Variants in ANO3 observed in about 807,000 individuals in gnomAD.
ANO3 encodes anoctamin 3.
In ANO3, 99 loss-of-function variants were observed where a neutral mutation model predicts 144.8. The ratio of observed to expected loss-of-function variants is 0.68; its 90% CI spans 0.58 to 0.81. The LOEUF is 0.81. ANO3 is among the 30% of genes least tolerant of loss of function. The probability of loss-of-function intolerance (pLI) is 0.00; values close to 1 mark genes in which losing one functional copy is unlikely to be tolerated. For synonymous variants in ANO3, 414 were observed against 392.6 expected (o/e 1.05, Z -0.64); for missense variants, 905 against 1,202.2 (o/e 0.75, Z 3.66).
chr11:26,411,707 G>A (rs1398788895), intron 1 of ANO3, among the ~76,000 whole-genome samples: 2 of 144,728 alleles, frequency 1.4e-5, no homozygotes, highest in East Asian at 2.1e-4. Flanking sequence ...AATATTAGAT[G>A]AGTGTATGCA....
chr11:26,497,071 T>C (rs981273579), intron 4 of ANO3, among the ~76,000 whole-genome samples: 2 of 150,422 alleles, frequency 1.3e-5, no homozygotes, highest in South Asian at 2.1e-4. Flanking sequence ...TCTATATATA[T>C]ACACAGACAC....
chr11:26,598,131 A>C (rs894123809), intron 14 of ANO3, among the ~76,000 whole-genome samples: 1 of 152,246 alleles, frequency 6.6e-6, no homozygotes, highest in Non-Finnish European at 1.5e-5. Context: ...GCTGACAAAA[A>C]GTCCCTGCTT....
At chr11:26,586,623 C>G (rs1362460725) in intron 14 of ANO3, among the ~76,000 whole-genome samples, 2 of 151,194 alleles carry the variant, frequency 1.3e-5, no homozygotes, top group African/African-American at 4.9e-5. Flanking sequence ...CTGCCTCAGC[C>G]TCCCGAGTAG....
intron 1 of ANO3, among the ~76,000 whole-genome samples, chr11:26,201,763 T>G (rs1851697417): frequency 7.8e-6 from 1 of 127,742 alleles, no homozygotes; most frequent in South Asian, 2.3e-4. Context: ...GGAAGTTTTG[T>G]TTTTTTTTTT....
chr11:26,396,071 A>G (rs1306910083), intron 1 of ANO3, among the ~76,000 whole-genome samples: 1 of 152,152 alleles, frequency 6.6e-6, no homozygotes, highest in African/African-American at 2.4e-5. Flanking sequence ...ATCCAGAACT[A>G]CAAAGAACTT....
intron 4 of ANO3, among the ~76,000 whole-genome samples, chr11:26,465,556 T>C (rs1006427151): frequency 6.6e-6 from 1 of 151,802 alleles, no homozygotes; most frequent in Non-Finnish European, 1.5e-5. Context: ...ACATAGTGAG[T>C]AATAACAAGT....
rs10631901 is a variant in ANO3 at position 26,634,080 on chromosome 11, CAAA to C, written c.1874-108_1874-106del. The C allele has an allele frequency of 1.9e-3, 687 of 357,288 alleles. 1 individual carries two copies. Among genetic ancestry groups the C allele is most frequent in the South Asian group, 3.4e-3 (67 of 19,882 alleles). The allele number at this position is 357,288 out of a possible 1,614,324, so 22.1% of individuals were successfully genotyped here. A position where few individuals can be genotyped will look rare whatever the true frequency, so the allele number is the denominator to read the frequency against. On this transcript the variant is annotated intron_variant, in intron 18 of 26. Transcript: ENST00000256737. ...GCAACAGAGAGTGAGACTCCATTTCCAAAAAAAAAAAAAAAAAATTAAATTAAA... is the reference window on the plus strand; with the variant it reads ...GCAACAGAGAGTGAGACTCCATTTCCAAAAAAAAAAAAAAATTAAATTAAA...
At position 26,479,512 on chromosome 11, in the gene ANO3, C is replaced by T. The variant is rs146996251; in HGVS notation, c.432+16364C>T. ...AGCAAAGTCACATCTTGCGTGGGGG[C>T]AGGCAGAGAGTTTGGGCAGGGGAAC... On this transcript the variant is annotated intron_variant, in intron 4 of 26. Coordinates refer to ENST00000256737, the MANE Select transcript of ANO3 (RefSeq NM_031418.4). 8.8e-4 allele frequency among the ~76,000 whole-genome samples: 134 copies of T among 152,166 alleles called. 1 individual carries two copies. The East Asian group carries it at 0.021, about 24-fold the overall frequency.
intron 1 of ANO3, among the ~76,000 whole-genome samples, chr11:26,342,813 T>C (rs866132397): frequency 1.3e-5 from 2 of 152,122 alleles, no homozygotes; most frequent in Non-Finnish European, 1.5e-5. Context: ...TTTCACACTT[T>C]TATCACTTTA....
At chr11:26,278,787 T>C (rs1215991900) in intron 1 of ANO3, among the ~76,000 whole-genome samples, 1 of 152,128 alleles carries the variant, frequency 6.6e-6, no homozygotes, top group African/African-American at 2.4e-5. Flanking sequence ...CTGCACATCT[T>C]AAGCACATTA....
chr11:26,493,368 G>T (rs2134110160), intron 4 of ANO3, among the ~76,000 whole-genome samples: 1 of 152,218 alleles, frequency 6.6e-6, no homozygotes, highest in South Asian at 2.1e-4. Context: ...GGGCATGCTG[G>T]AAAGGACTGC....
At chr11:26,565,170 T>G (rs551978683) in intron 14 of ANO3, 4 of 1,499,994 alleles carry the variant, frequency 2.7e-6, no homozygotes, top group South Asian at 1.4e-5. Flanking sequence ...TTTACCTTTT[T>G]GGGGATCTGA....
chr11:26,225,341 ATT>A (rs1173219812), intron 1 of ANO3, among the ~76,000 whole-genome samples: 1 of 152,138 alleles, frequency 6.6e-6, no homozygotes, highest in Non-Finnish European at 1.5e-5. Context: ...GGGAACATTT[ATT>A]TAGAGTGAGA....
intron 23 of ANO3, among the ~76,000 whole-genome samples, chr11:26,646,656 G>A (rs1436315523): frequency 1.3e-5 from 2 of 151,866 alleles, no homozygotes; most frequent in African/African-American, 2.4e-5. Flanking sequence ...CTTTTTATCA[G>A]TTACTTTAAT....
chr11:26,194,813 G>A (rs151177247), intron 1 of ANO3, among the ~76,000 whole-genome samples: 14 of 152,034 alleles, frequency 9.2e-5, no homozygotes, highest in African/African-American at 3.4e-4. Context: ...TGATCCACTA[G>A]CCTTGGCCTT....
intron 3 of ANO3, among the ~76,000 whole-genome samples, chr11:26,455,126 G>A (rs1011948570): frequency 2.0e-5 from 3 of 151,842 alleles, no homozygotes; most frequent in African/African-American, 7.3e-5. Context: ...CATACTGAAT[G>A]GGCAAAAACT....
intron 1 of ANO3, among the ~76,000 whole-genome samples, chr11:26,386,778 T>C (rs957352001): frequency 6.6e-6 from 1 of 152,166 alleles, no homozygotes; most frequent in African/African-American, 2.4e-5. Flanking sequence ...AGAAAACAAC[T>C]AAATACATAT....
Position 26,559,546 on chromosome 11 carries a change from A to C in ANO3, c.1387-173A>C, listed in dbSNP as rs1265064285. 8.7e-6 allele frequency: 5 copies of C among 573,956 alleles called. No individual in the cohort carries two copies. In the East Asian group the frequency reaches 1.4e-4, roughly 17 times the overall value. 35.6% of individuals were successfully genotyped at this position (573,956 alleles called of 1,614,324 possible). A position where few individuals can be genotyped will look rare whatever the true frequency, so the allele number is the denominator to read the frequency against. ...TTCTTCACCTCTCCCCATGAGAAAA[A>C]TCATGTGAAATTGTTGCAAGACCCA... On this transcript the variant is annotated intron_variant, in intron 13 of 26. Transcript: ENST00000256737.
At chr11:26,526,338 T>G (rs1334419490) in intron 7 of ANO3, among the ~76,000 whole-genome samples, 1 of 152,154 alleles carries the variant, frequency 6.6e-6, no homozygotes, top group Non-Finnish European at 1.5e-5. Flanking sequence ...ACTATTTAAC[T>G]GGAAGAAATC....
Sources: gnomAD v4.1 joint callset for allele counts (sites outside exome capture counted in the v4.1 genomes callset) on GRCh38, gnomAD v4.1.1 for gene constraint, MANE v1.5 for transcripts, NCBI Gene and HGNC (gene_info 2026-07-23, HGNC 2026-07-21) for gene names.